The following PLA2G4A variants were observed in gnomAD, a reference collection of about 807,000 sequenced individuals.
PLA2G4A encodes phospholipase A2 group IVA.
A neutral mutation model predicts 81.9 loss-of-function variants in PLA2G4A; 40 were observed. That is an observed-to-expected ratio of 0.49 (90% CI 0.38 to 0.64). The LOEUF is 0.64. Ranked by LOEUF, PLA2G4A falls within the 30% of genes least tolerant of loss-of-function variation. The pLI, the probability that PLA2G4A is intolerant of heterozygous loss-of-function variation, is 0.00. For missense variants in PLA2G4A, 715 were observed against 905.1 expected (o/e 0.79, Z 2.69); for synonymous variants, 302 against 296.9 (o/e 1.02, Z -0.18).
At chr1:186,898,390 G>A (rs757301453) in intron 5 of PLA2G4A, among the ~76,000 whole-genome samples, 63 of 152,220 alleles carry the variant, frequency 4.1e-4, no homozygotes, top group Non-Finnish European at 5.1e-4. Context: ...TGATTTACTT[G>A]AGAAGTTTTT....
chr1:186,986,809 C>T (rs1657905097), intron 17 of PLA2G4A, among the ~76,000 whole-genome samples: 1 of 152,220 alleles, frequency 6.6e-6, no homozygotes, highest in African/African-American at 2.4e-5. Context: ...TGCCCTCCAT[C>T]TCACACAGCC....
intron 2 of PLA2G4A, among the ~76,000 whole-genome samples, chr1:186,862,936 A>G (rs1652869637): frequency 6.6e-6 from 1 of 152,178 alleles, no homozygotes; most frequent in Non-Finnish European, 1.5e-5. Context: ...GCTGATGTTC[A>G]CACTTTTTTT....
rs1355779643 is a variant in PLA2G4A, at chr1:186,979,441, T to G, written c.2087T>G (p.Leu696Arg). Residue 696 changes from leucine to arginine, a missense_variant, in exon 17 of 18, where the codon CTT becomes CGT. Coordinates refer to ENST00000367466, the MANE Select transcript of PLA2G4A (RefSeq NM_024420.3). Reference protein sequence around the residue: ...PNQAFKRLHDLMHFNTLNNID... With the variant: ...PNQAFKRLHDRMHFNTLNNID... ...CAAGCATTCAAAAGACTACATGATC[T>G]TATGCACTTCAATACTCTGAACAAC... is the stretch of plus-strand genomic sequence containing the variant. The G allele has an allele frequency of 6.2e-7, 1 of 1,603,176 alleles. No individual in the cohort carries two copies. The highest frequency in any genetic ancestry group is 8.5e-7 in the Non-Finnish European group (1 of 1,170,006).
chr1:186,912,865 T>G (rs1467545322), intron 7 of PLA2G4A, among the ~76,000 whole-genome samples: 1 of 147,506 alleles, frequency 6.8e-6, no homozygotes, highest in African/African-American at 2.5e-5. Context: ...AATATATATA[T>G]AAGGCATACT....
At chr1:186,862,451 A>G (rs1652845488) in intron 2 of PLA2G4A, among the ~76,000 whole-genome samples, 1 of 152,012 alleles carries the variant, frequency 6.6e-6, no homozygotes, top group Non-Finnish European at 1.5e-5. Flanking sequence ...ACCTTAAGTA[A>G]TCCACCTTCC....
At chr1:186,941,112 C>CAA (rs61665159) in intron 10 of PLA2G4A, among the ~76,000 whole-genome samples, 13,291 of 107,236 alleles carry the variant, frequency 0.12, 869 homozygotes, top group Middle Eastern at 0.22. Flanking sequence ...GACTCCGTCT[C>CAA]AAAAAAAAAA....
At chr1:186,907,044 A>T in intron 6 of PLA2G4A, 42 bp downstream of exon 6, 2 of 1,033,324 alleles carry the variant, frequency 1.9e-6, no homozygotes, top group Non-Finnish European at 3.1e-6. Flanking sequence ...ATTGTGAGTG[A>T]TCCACTAATT....
At chr1:186,871,581 G>A (rs1342361958) in intron 3 of PLA2G4A, among the ~76,000 whole-genome samples, 1 of 152,096 alleles carries the variant, frequency 6.6e-6, no homozygotes, top group East Asian at 1.9e-4. Context: ...AGAGAAAACA[G>A]CGTGTTCCAA....
intron 10 of PLA2G4A, among the ~76,000 whole-genome samples, chr1:186,945,983 G>T (rs1331332189): frequency 6.6e-6 from 1 of 152,062 alleles, no homozygotes; most frequent in Admixed American, 6.6e-5. Flanking sequence ...ATAGATTAGG[G>T]ACCTAAGACA....
At chr1:186,862,350 G>T (rs1652841708) in intron 2 of PLA2G4A, among the ~76,000 whole-genome samples, 1 of 151,858 alleles carries the variant, frequency 6.6e-6, no homozygotes, top group African/African-American at 2.4e-5. Context: ...AAGTAGCTGG[G>T]ATTACAGGCG....
At chr1:186,953,462 CAT>C (rs1656635670) in intron 13 of PLA2G4A, among the ~76,000 whole-genome samples, 1 of 140,946 alleles carries the variant, frequency 7.1e-6, no homozygotes, top group Admixed American at 7.4e-5. Context: ...TTTTATATTA[CAT>C]GTTTTAAATC....
intron 6 of PLA2G4A, among the ~76,000 whole-genome samples, chr1:186,908,922 G>T (rs1293942354): frequency 6.7e-6 from 1 of 149,594 alleles, no homozygotes; most frequent in Admixed American, 6.7e-5. Context: ...TTGAGGAGGT[G>T]TCATAGAGGC....
chr1:186,939,800 A>G (rs961085446), intron 9 of PLA2G4A, among the ~76,000 whole-genome samples, 180 bp from the exon 10 acceptor site: 2 of 152,202 alleles, frequency 1.3e-5, no homozygotes, highest in African/African-American at 4.8e-5. Context: ...AAATGAAGAT[A>G]GTTACTTCCA....
intron 7 of PLA2G4A, among the ~76,000 whole-genome samples, chr1:186,921,338 A>G (rs1056965102): frequency 3.9e-5 from 6 of 152,212 alleles, no homozygotes; most frequent in African/African-American, 1.4e-4. Flanking sequence ...CAATCAGCAC[A>G]AGTAGGATTA....
chr1:186,961,987 G>C (rs187839636), intron 14 of PLA2G4A, among the ~76,000 whole-genome samples: 28 of 152,272 alleles, frequency 1.8e-4, no homozygotes, highest in African/African-American at 6.5e-4. Context: ...GAACTCTCAT[G>C]CCTTTCCTCC....
intron 14 of PLA2G4A, among the ~76,000 whole-genome samples, chr1:186,965,009 C>T (rs1422178844): frequency 6.6e-6 from 1 of 152,196 alleles, no homozygotes; most frequent in Non-Finnish European, 1.5e-5. Context: ...TGTCCTCTGC[C>T]TCACCTGTCT....
At chr1:186,864,520 G>A (rs377423522) in intron 2 of PLA2G4A, among the ~76,000 whole-genome samples, 6 of 151,768 alleles carry the variant, frequency 4.0e-5, no homozygotes, top group Non-Finnish European at 7.4e-5. Context: ...ATATCTCATC[G>A]TGGTTTTGAT....
chr1:186,968,225 G>A (rs1269320307), intron 15 of PLA2G4A, among the ~76,000 whole-genome samples: 2 of 152,016 alleles, frequency 1.3e-5, no homozygotes, highest in African/African-American at 4.8e-5. Flanking sequence ...ATATCACTTT[G>A]TACCTTTAAA....
At chr1:186,971,526 ATAAAG>A (rs1657356118) in intron 15 of PLA2G4A, among the ~76,000 whole-genome samples, 1 of 151,996 alleles carries the variant, frequency 6.6e-6, no homozygotes, top group Non-Finnish European at 1.5e-5. Context: ...GACACTTAAT[ATAAAG>A]TAAATTGCAA....
Sources: allele counts gnomAD v4.1 joint callset (sites outside exome capture counted in the v4.1 genomes callset), GRCh38; gene constraint gnomAD v4.1.1; transcripts MANE v1.5; gene names NCBI Gene and HGNC (gene_info 2026-07-23, HGNC 2026-07-21).